The following NR5A2 variants were observed in gnomAD, a reference collection of about 807,000 sequenced individuals.
The protein encoded by NR5A2 is nuclear receptor subfamily 5 group A member 2.
NR5A2 carries 26 observed loss-of-function variants against 62.7 expected under a neutral mutation model. That is an observed-to-expected ratio of 0.41 (90% CI 0.30 to 0.58). NR5A2 has a LOEUF of 0.58. NR5A2 is among the 20% of genes least tolerant of loss of function. The probability of loss-of-function intolerance (pLI) is 0.22; values close to 1 mark genes in which losing one functional copy is unlikely to be tolerated. For missense variants in NR5A2, 541 were observed against 669.1 expected (o/e 0.81, Z 2.11); for synonymous variants, 246 against 241.7 (o/e 1.02, Z -0.16).
At chr1:200,038,125 CTT>C (rs969975521) in intron 1 of NR5A2, among the ~76,000 whole-genome samples, 4 of 152,196 alleles carry the variant, frequency 2.6e-5, no homozygotes, top group African/African-American at 9.7e-5. Flanking sequence ...GATCTGAAAA[CTT>C]TGAAGATGCG....
At chr1:200,127,676 C>CA (rs71132666) in intron 7 of NR5A2, among the ~76,000 whole-genome samples, 7 of 25,620 alleles carry the variant, frequency 2.7e-4, no homozygotes, top group Admixed American at 7.9e-4. Flanking sequence ...GACTCTGTCT[C>CA]AAAAAAAAAA....
chr1:200,049,757 G>T (rs2102168686), intron 5 of NR5A2, among the ~76,000 whole-genome samples: 1 of 152,292 alleles, frequency 6.6e-6, no homozygotes, highest in East Asian at 1.9e-4. Flanking sequence ...TCTGTGACTT[G>T]TGATTACCTA....
intron 5 of NR5A2, among the ~76,000 whole-genome samples, chr1:200,094,056 C>A (rs2094386340): frequency 6.6e-6 from 1 of 152,110 alleles, no homozygotes; most frequent in Non-Finnish European, 1.5e-5. Flanking sequence ...GTAGTCCCAG[C>A]TACTCAGGAG....
chr1:200,040,308 C>G (rs1375346239), intron 2 of NR5A2, among the ~76,000 whole-genome samples: 1 of 152,198 alleles, frequency 6.6e-6, no homozygotes, highest in Non-Finnish European at 1.5e-5. Flanking sequence ...GGCGGACACC[C>G]GCAGCCAGCT....
intron 1 of NR5A2, among the ~76,000 whole-genome samples, chr1:200,033,486 A>G (rs918762093): frequency 6.6e-6 from 1 of 151,924 alleles, no homozygotes; most frequent in Non-Finnish European, 1.5e-5. Context: ...AGCATTTTTC[A>G]CGGTAAGTGC....
At chr1:200,160,065 C>T (rs571691191) in intron 7 of NR5A2, among the ~76,000 whole-genome samples, 2 of 152,308 alleles carry the variant, frequency 1.3e-5, no homozygotes, top group East Asian at 1.9e-4. Context: ...GAGCTGGTAT[C>T]GCTTGCTACC....
At chr1:200,137,285 A>C (rs1055624910) in intron 7 of NR5A2, among the ~76,000 whole-genome samples, 1 of 149,226 alleles carries the variant, frequency 6.7e-6, no homozygotes, top group Non-Finnish European at 1.5e-5. Context: ...CGAATAGCTG[A>C]TATTACAGGT....
At chr1:200,143,646 T>C (rs1667542789) in intron 7 of NR5A2, among the ~76,000 whole-genome samples, 1 of 147,032 alleles carries the variant, frequency 6.8e-6, no homozygotes, top group African/African-American at 2.5e-5. Flanking sequence ...TAATTTTTTT[T>C]TTTTTTTTTT....
At chr1:200,165,173 A>T (rs1020846357) in intron 7 of NR5A2, among the ~76,000 whole-genome samples, 2 of 151,984 alleles carry the variant, frequency 1.3e-5, no homozygotes, top group Non-Finnish European at 2.9e-5. Context: ...CACCGTGCCC[A>T]GCCCTGGAGT....
chr1:200,123,389 T>C (rs552957323), intron 7 of NR5A2, among the ~76,000 whole-genome samples: 1 of 152,224 alleles, frequency 6.6e-6, no homozygotes, highest in East Asian at 1.9e-4. Flanking sequence ...CAAAATGAGT[T>C]TGGGGAACTG....
intron 6 of NR5A2, among the ~76,000 whole-genome samples, chr1:200,117,098 G>T (rs1666254206): frequency 6.6e-6 from 1 of 152,108 alleles, no homozygotes; most frequent in African/African-American, 2.4e-5. Context: ...ATCTAAAGGG[G>T]ACATCAGTTT....
intron 7 of NR5A2, among the ~76,000 whole-genome samples, chr1:200,145,224 C>T (rs947033605): frequency 7.2e-5 from 11 of 152,204 alleles, no homozygotes; most frequent in East Asian, 3.9e-4. Flanking sequence ...GCAGGAGAAT[C>T]GCCTGAACCC....
chr1:200,173,260 G>C (rs1654265746), intron 7 of NR5A2, among the ~76,000 whole-genome samples: 1 of 152,184 alleles, frequency 6.6e-6, no homozygotes, highest in Non-Finnish European at 1.5e-5. Context: ...CAGAGTATCA[G>C]ACTTTAGAAA....
chr1:200,066,938 C>T (rs937816589), intron 5 of NR5A2, among the ~76,000 whole-genome samples: 3 of 152,154 alleles, frequency 2.0e-5, no homozygotes, highest in Non-Finnish European at 4.4e-5. Context: ...CAACTTAAAT[C>T]CTTCCTTCTG....
chr1:200,106,728 T>G (rs1665687604), intron 5 of NR5A2, among the ~76,000 whole-genome samples: 1 of 152,174 alleles, frequency 6.6e-6, no homozygotes, highest in Non-Finnish European at 1.5e-5. Context: ...CTCCCCTTCC[T>G]TTTTCTACCC....
intron 1 of NR5A2, among the ~76,000 whole-genome samples, chr1:200,033,905 G>A (rs1337232815): frequency 1.3e-5 from 2 of 152,090 alleles, no homozygotes; most frequent in Non-Finnish European, 2.9e-5. Context: ...GCTGGACTCC[G>A]CACCTCTGCG....
At chr1:200,066,778 G>A (rs1194814968) in intron 5 of NR5A2, among the ~76,000 whole-genome samples, 1 of 152,040 alleles carries the variant, frequency 6.6e-6, no homozygotes, top group African/African-American at 2.4e-5. Context: ...AGTAGAGACA[G>A]GGTTTCACCA....
intron 1 of NR5A2, among the ~76,000 whole-genome samples, chr1:200,028,318 TTTG>T (rs1661419775): frequency 6.6e-6 from 1 of 152,002 alleles, no homozygotes; most frequent in South Asian, 2.1e-4. Flanking sequence ...CTGTCAAGTA[TTTG>T]TTACTTTTCA....
chr1:200,059,784 T>G (rs1663107667), intron 5 of NR5A2, among the ~76,000 whole-genome samples: 1 of 152,188 alleles, frequency 6.6e-6, no homozygotes, highest in Non-Finnish European at 1.5e-5. Flanking sequence ...CTCTGACCTA[T>G]TCTTCTGCAG....
Sources: gnomAD v4.1 joint callset for allele counts (sites outside exome capture counted in the v4.1 genomes callset) on GRCh38, gnomAD v4.1.1 for gene constraint, MANE v1.5 for transcripts, NCBI Gene and HGNC (gene_info 2026-07-23, HGNC 2026-07-21) for gene names.